PSTPIP2: variants seen among roughly 807,000 people sequenced by gnomAD.
The protein encoded by PSTPIP2 is proline-serine-threonine phosphatase interacting protein 2.
In PSTPIP2, 33 loss-of-function variants were observed where a neutral mutation model predicts 63.3. The observed-to-expected ratio is 0.52, with a 90% CI of 0.40 to 0.70. PSTPIP2 has a LOEUF of 0.70. PSTPIP2 is among the 30% of genes least tolerant of loss of function. PSTPIP2 has a pLI of 0.00. For synonymous variants in PSTPIP2, 125 were observed against 132.7 expected (o/e 0.94, Z 0.40); for missense variants, 312 against 400.7 (o/e 0.78, Z 1.89).
intron 3 of PSTPIP2, among the ~76,000 whole-genome samples, chr18:46,016,822 AC>A (rs1279704246): frequency 6.6e-6 from 1 of 152,190 alleles, no homozygotes; most frequent in Non-Finnish European, 1.5e-5. Context: ...TATTATACTT[AC>A]CCTCAGCAAT....
At chr18:46,061,707 G>A (rs1908999679) in intron 1 of PSTPIP2, among the ~76,000 whole-genome samples, 1 of 152,250 alleles carries the variant, frequency 6.6e-6, no homozygotes, top group South Asian at 2.1e-4. Context: ...ATCTGCGGAA[G>A]TGCTGACAAA....
At chr18:46,071,801 A>G (rs942278824) in intron 1 of PSTPIP2, among the ~76,000 whole-genome samples, 6 of 151,970 alleles carry the variant, frequency 3.9e-5, no homozygotes, top group African/African-American at 1.5e-4. Flanking sequence ...CTGTGAGAGG[A>G]GGGGTTGATG....
chr18:46,028,851 T>C, intron 2 of PSTPIP2: 4 of 1,586,316 alleles, frequency 2.5e-6, no homozygotes, highest in East Asian at 2.2e-5. Flanking sequence ...AGGATGAAGA[T>C]GCTTTGTTGC....
rs187000243 is a variant in PSTPIP2 at position 46,041,410 on chromosome 18, C to T, written c.34-1363G>A. ...TACAGGGACATGCCACCATACCCAG[C>T]TATTTTTTGTATTTTTAGTAAAGGT... On this transcript the variant is annotated intron_variant, in intron 1 of 14. Coordinates refer to ENST00000409746, the MANE Select transcript of PSTPIP2 (RefSeq NM_024430.4). Among the ~76,000 whole-genome samples, 508 of 152,188 alleles carry T rather than the reference C, an allele frequency of 3.3e-3. 3 individuals are homozygous for T. The highest frequency in any genetic ancestry group is 0.012 in the African/African-American group (479 of 41,520).
chr18:46,005,390 T>G (rs2051714308), intron 6 of PSTPIP2, 79 bp downstream of exon 6: 1 of 1,140,916 alleles, frequency 8.8e-7, no homozygotes, highest in Non-Finnish European at 1.3e-6. Context: ...GTTATTTGAG[T>G]AGGAATATGT....
chr18:46,039,381 C>T (rs1005528488), intron 2 of PSTPIP2, among the ~76,000 whole-genome samples: 3 of 152,124 alleles, frequency 2.0e-5, no homozygotes, highest in African/African-American at 7.2e-5. Flanking sequence ...GCTCCTCATC[C>T]TCCTGGTCTC....
At chr18:46,023,053 G>T (rs1198547202) in intron 3 of PSTPIP2, among the ~76,000 whole-genome samples, 2 of 152,080 alleles carry the variant, frequency 1.3e-5, no homozygotes, top group Non-Finnish European at 2.9e-5. Context: ...TTATAAGTGG[G>T]GGCTAAATGA....
chr18:46,050,414 T>A (rs1027226597), intron 1 of PSTPIP2, among the ~76,000 whole-genome samples: 2 of 151,846 alleles, frequency 1.3e-5, no homozygotes, highest in African/African-American at 4.8e-5. Flanking sequence ...TACAAAAAAA[T>A]TTTAAAAATT....
At chr18:45,988,648 G>T in intron 14 of PSTPIP2, 54 bp downstream of exon 14, 1 of 1,442,282 alleles carries the variant, frequency 6.9e-7, no homozygotes, top group African/African-American at 1.4e-5. Context: ...GGCTTCAATA[G>T]CACAATTACC....
At chr18:46,057,659 T>A (rs559631930) in intron 1 of PSTPIP2, among the ~76,000 whole-genome samples, 5 of 152,146 alleles carry the variant, frequency 3.3e-5, no homozygotes, top group South Asian at 4.1e-4. Flanking sequence ...TTACAGAATA[T>A]CTCATTGTTC....
chr18:46,003,922 A>C (rs62095419), intron 6 of PSTPIP2, among the ~76,000 whole-genome samples: 1 of 149,618 alleles, frequency 6.7e-6, no homozygotes, highest in South Asian at 2.1e-4. Flanking sequence ...ACACCCAGCT[A>C]ATTTTTTTTT....
chr18:46,016,050 C>A, intron 3 of PSTPIP2, 113 bp from the exon 4 acceptor site: 1 of 1,244,300 alleles, frequency 8.0e-7, no homozygotes, highest in Non-Finnish European at 1.1e-6. Context: ...AAACTACAGA[C>A]CAATTTTTGC....
intron 1 of PSTPIP2, among the ~76,000 whole-genome samples, chr18:46,052,024 G>A (rs534978842): frequency 6.6e-6 from 1 of 152,336 alleles, no homozygotes; most frequent in African/African-American, 2.4e-5. Context: ...ACAGGAGCGG[G>A]GAGGCAGGCA....
intron 13 of PSTPIP2, chr18:45,989,589 A>C (rs1297952747): frequency 6.6e-6 from 1 of 152,490 alleles, no homozygotes; most frequent in African/African-American, 2.4e-5. Context: ...TTCTTTACTC[A>C]AATAATAAAT....
At chr18:46,009,245 G>T (rs914216693) in intron 5 of PSTPIP2, among the ~76,000 whole-genome samples, 1 of 151,652 alleles carries the variant, frequency 6.6e-6, no homozygotes, top group Non-Finnish European at 1.5e-5. Context: ...ACCAACTGAT[G>T]GTTTTCCTTA....
chr18:46,019,418 A>G (rs923301649), intron 3 of PSTPIP2, among the ~76,000 whole-genome samples: 1 of 152,186 alleles, frequency 6.6e-6, no homozygotes, highest in Non-Finnish European at 1.5e-5. Flanking sequence ...TTACAAATAC[A>G]TTAAGCAGGA....
intron 2 of PSTPIP2, chr18:46,029,357 G>C: frequency 6.4e-7 from 1 of 1,560,010 alleles, no homozygotes. Context: ...TTAATGGAAG[G>C]GTTGCAGCAT....
rs59094808 is a variant in PSTPIP2, at chr18:46,021,848, C to CAAAAAAA, written c.212+2754_212+2760dup. On this transcript the variant is annotated intron_variant, in intron 3 of 14. Transcript: ENST00000409746. ...TGGGCAACAAAGCGAGACTCTGTCT[C>CAAAAAAA]AAAAAAAAAAAAAAAAAAAAAAAAA... Among the ~76,000 whole-genome samples, 43 of 33,304 alleles carry CAAAAAAA rather than the reference C, an allele frequency of 1.3e-3. 1 individual carries two copies. Among genetic ancestry groups the CAAAAAAA allele is most frequent in the African/African-American group, 3.0e-3 (34 of 11,214 alleles). 21.8% of individuals were successfully genotyped at this position (33,304 alleles called of 152,430 possible).
chr18:46,024,182 G>A (rs1907490625), intron 3 of PSTPIP2, among the ~76,000 whole-genome samples: 1 of 151,906 alleles, frequency 6.6e-6, no homozygotes, highest in African/African-American at 2.4e-5. Flanking sequence ...CTGACACCCA[G>A]GTTAGAATGC....
Sources: gnomAD v4.1 joint callset for allele counts (sites outside exome capture counted in the v4.1 genomes callset) on GRCh38, gnomAD v4.1.1 for gene constraint, MANE v1.5 for transcripts, NCBI Gene and HGNC (gene_info 2026-07-23, HGNC 2026-07-21) for gene names.